The following ZNF562 variants were observed in gnomAD, a reference collection of about 807,000 sequenced individuals.
ZNF562 encodes the protein zinc finger protein 562.
In ZNF562, 13 loss-of-function variants were observed where a neutral mutation model predicts 17.5. The ratio of observed to expected loss-of-function variants is 0.74; its 90% confidence interval spans 0.48 to 1.18. The LOEUF (loss-of-function observed/expected upper bound fraction) is 1.18, where lower values mean the gene tolerates loss of function less well. ZNF562 is among the 50% of genes most tolerant of loss of function. The pLI, the probability that ZNF562 is intolerant of heterozygous loss-of-function variation, is 0.00. For missense variants in ZNF562, 481 were observed against 498.5 expected (o/e 0.96, Z 0.33); for synonymous variants, 163 against 165.4 (o/e 0.99, Z 0.11).
chr19:9,656,559 A>C lies in ZNF562; in HGVS notation c.336T>G (p.Thr112=), dbSNP rs1186360394. 6.2e-7 allele frequency: 1 copy of C among 1,613,666 alleles called. No individual in the cohort carries two copies. Among genetic ancestry groups the C allele is most frequent in the Admixed American group, 1.7e-5 (1 of 59,998 alleles). Residue 112 remains threonine, a synonymous_variant, in exon 5 of 6, where the codon ACT becomes ACG. Transcript: ENST00000453372. ...QQGFLKNQIF[T]GIQMQTRSYS... is the part of the protein sequence containing the mutation. ...TCATGAATCTTACCATTTGTATCCC[A>C]GTGAATATTTGATTCTTCAAAAAAC...
rs1244285747 is a variant in ZNF562 at position 9,665,116 on chromosome 19, G to T, written c.-130-4242C>A. On this transcript the variant is annotated intron_variant, in intron 1 of 5. Transcript: ENST00000453372. Reference sequence around the variant, plus strand: ...ACACGCCTGAAGTCCCAGCTACTCAGGATACTGAGGTTGGAGAATTGCTTG... The same window carrying T: ...ACACGCCTGAAGTCCCAGCTACTCATGATACTGAGGTTGGAGAATTGCTTG... 1.1e-4 allele frequency among the ~76,000 whole-genome samples: 16 copies of T among 151,844 alleles called. 1 individual carries two copies. Among genetic ancestry groups the T allele is most frequent in the Non-Finnish European group, 2.4e-4 (16 of 67,994 alleles).
At chr19:9,654,960 T>A (rs2043406952) in intron 5 of ZNF562, among the ~76,000 whole-genome samples, 1 of 152,094 alleles carries the variant, frequency 6.6e-6, no homozygotes, top group South Asian at 2.1e-4. Context: ...TGCCACTGGC[T>A]CTAATTGTTC....
intron 1 of ZNF562, among the ~76,000 whole-genome samples, chr19:9,673,275 C>G (rs2044268523): frequency 6.6e-6 from 1 of 152,166 alleles, no homozygotes. Flanking sequence ...GAAATAAAAA[C>G]CCCTTCCCCT....
At chr19:9,672,921 T>C (rs745827547) in intron 1 of ZNF562, among the ~76,000 whole-genome samples, 2 of 151,738 alleles carry the variant, frequency 1.3e-5, no homozygotes, top group Non-Finnish European at 2.9e-5. Flanking sequence ...CTGTGTAAGA[T>C]ACAATATATT....
At chr19:9,668,496 A>G (rs1354279220) in intron 1 of ZNF562, among the ~76,000 whole-genome samples, 1 of 152,252 alleles carries the variant, frequency 6.6e-6, no homozygotes, top group Non-Finnish European at 1.5e-5. Flanking sequence ...AAGACATTCC[A>G]TGCTCATGGA....
chr19:9,665,525 G>A (rs150444899), intron 1 of ZNF562, among the ~76,000 whole-genome samples: 1 of 152,150 alleles, frequency 6.6e-6, no homozygotes, highest in Admixed American at 6.5e-5. Context: ...ACAAAGAGGG[G>A]AGGCAGGACT....
At position 9,653,508 on chromosome 19, in the gene ZNF562, A is replaced by G. The variant is rs764999186; in HGVS notation, c.722T>C (p.Ile241Thr). The change falls in exon 6 of 6, where the codon ATC becomes ACC. Residue 241 changes from isoleucine (I) to threonine (T), a missense_variant. This residue lies in a region of ZNF562 where 403 missense variants were observed against 386.4 expected (regional missense o/e 1.04). Coordinates refer to ENST00000453372, the MANE Select transcript of ZNF562 (RefSeq NM_001130031.2). The part of the protein sequence containing the change: ...LCEFQECERA[I>T]TTSSHLKQCV... ...CTGCTTTAAGTGTGAGGAAGTTGTG[A>G]TGGCTCTCTCACATTCCTGAAATTC... The G allele has an allele frequency of 1.9e-6, 3 of 1,614,194 alleles. No homozygotes were observed. The highest frequency in any genetic ancestry group is 1.1e-5 in the South Asian group (1 of 91,084).
chr19:9,669,720 GCGCGCGCGCGCGCGCACACACA>G (rs1568281632), intron 1 of ZNF562, among the ~76,000 whole-genome samples: 1 of 84,820 alleles, frequency 1.2e-5, no homozygotes, highest in Non-Finnish European at 2.5e-5. Flanking sequence ...GCGCGCGAGC[GCGCGCGCGCGCGCGCACACACA>G]CACACACACA....
intron 1 of ZNF562, among the ~76,000 whole-genome samples, chr19:9,663,237 T>C (rs2043823085): frequency 8.4e-6 from 1 of 118,564 alleles, no homozygotes; most frequent in Non-Finnish European, 1.6e-5. Flanking sequence ...ACCTCGTCTC[T>C]ACTAAAAATA....
intron 1 of ZNF562, among the ~76,000 whole-genome samples, chr19:9,668,863 A>G (rs1286256384): frequency 6.6e-6 from 1 of 152,214 alleles, no homozygotes; most frequent in Non-Finnish European, 1.5e-5. Context: ...AAAGCATACA[A>G]TGGGAAAATA....
rs1487292488 is a variant in ZNF562 at position 9,642,589 on chromosome 19, A to C, written c.*10360T>G. On this transcript the variant is annotated 3_prime_UTR_variant, in exon 6 of 6. Transcript: ENST00000453372. The stretch of plus-strand genomic sequence containing the variant: ...ACTCTGCTTGGCCCTTTATTCTTTT[A>C]CATATTTAATTTTTTAAAAAATCAA... The C allele has an allele frequency of 1.3e-5, 2 of 151,952 alleles. No individual in the cohort carries two copies. The highest frequency in any genetic ancestry group is 4.8e-5 in the African/African-American group (2 of 41,368). 9.4% of individuals were successfully genotyped at this position (151,952 alleles called of 1,614,324 possible).
chr19:9,658,344 T>TCTTC, intron 3 of ZNF562: 1 of 983,990 alleles, frequency 1.0e-6, no homozygotes, highest in Non-Finnish European at 1.2e-6. Context: ...GCACTTTTTT[T>TCTTC]CTTTCTTTCT....
rs1441999067 is a variant in ZNF562 at position 9,645,735 on chromosome 19, C to T, written c.*7214G>A. On this transcript the variant is annotated 3_prime_UTR_variant, in exon 6 of 6. Transcript: ENST00000453372. Reference sequence around the variant, plus strand: ...AATAGCTTGTGTGACAATGCACTTCCTTCTGGGTCTCTCTCCAAGTGTAGT... The same window carrying T: ...AATAGCTTGTGTGACAATGCACTTCTTTCTGGGTCTCTCTCCAAGTGTAGT... The T allele has an allele frequency of 1.3e-5, 2 of 152,188 alleles. No individual in the cohort carries two copies. The highest frequency in any genetic ancestry group is 6.5e-5 in the Admixed American group (1 of 15,282). The allele number at this position is 152,188 out of a possible 1,614,324, so 9.4% of individuals were successfully genotyped here.
Position 9,650,154 on chromosome 19 carries a change from C to G in ZNF562, c.*2795G>C, listed in dbSNP as rs1232369473. 6.6e-6 allele frequency: 1 copy of G among 152,048 alleles called. No individual in the cohort carries two copies. The highest frequency in any genetic ancestry group is 2.4e-5 in the African/African-American group (1 of 41,404). The allele number at this position is 152,048 out of a possible 1,614,324, so 9.4% of individuals were successfully genotyped here. On this transcript the variant is annotated 3_prime_UTR_variant, in exon 6 of 6. Coordinates refer to ENST00000453372, the MANE Select transcript of ZNF562 (RefSeq NM_001130031.2). ...CACCAGAACTGCAAAGACAAGTATG[C>G]TGGTATTACTACTTTTAGTTGGTGT...
rs923407211 is a variant in ZNF562 at position 9,648,079 on chromosome 19, G to C, written c.*4870C>G. 4.6e-5 allele frequency: 7 copies of C among 152,036 alleles called. No individual in the cohort carries two copies. Among genetic ancestry groups the C allele is most frequent in the African/African-American group, 1.7e-4 (7 of 41,380 alleles). The allele number at this position is 152,036 out of a possible 1,614,324, so 9.4% of individuals were successfully genotyped here. A position where few individuals can be genotyped will look rare whatever the true frequency, so the allele number is the denominator to read the frequency against. On this transcript the variant is annotated 3_prime_UTR_variant, in exon 6 of 6. Transcript: ENST00000453372. ...CTTATAGATTAAGAATTTAGAAATA[G>C]TAGGAACATGCCCCACTACAGTATA... is the stretch of plus-strand genomic sequence containing the variant.
chr19:9,653,924 A>G (rs748470399), intron 5 of ZNF562, 43 bp from the exon 6 acceptor site: 17 of 1,483,214 alleles, frequency 1.1e-5, no homozygotes, highest in Non-Finnish European at 1.4e-5. Context: ...CAGACATATT[A>G]AGAGATTTCA....
chr19:9,667,382 C>G (rs2043990094), intron 1 of ZNF562, among the ~76,000 whole-genome samples: 1 of 152,054 alleles, frequency 6.6e-6, no homozygotes, highest in East Asian at 1.9e-4. Flanking sequence ...TAATAAAGGC[C>G]ATATATGACA....
intron 1 of ZNF562, among the ~76,000 whole-genome samples, chr19:9,669,717 A>AGCGCGCGCGCGC (rs3074896): frequency 3.0e-5 from 3 of 98,942 alleles, no homozygotes; most frequent in Admixed American, 1.2e-4. Flanking sequence ...CACGCGCGCG[A>AGCGCGCGCGCGC]GCGCGCGCGC....
At chr19:9,656,871 A>AAAAAAAATATATATATAT (rs376933513) in intron 4 of ZNF562, among the ~76,000 whole-genome samples, 41 of 142,430 alleles carry the variant, frequency 2.9e-4, no homozygotes, top group African/African-American at 9.6e-4. Context: ...AAAATACAAA[A>AAAAAAAATATATATATAT]ATATATATAT....
Sources: allele counts gnomAD v4.1 joint callset (sites outside exome capture counted in the v4.1 genomes callset), GRCh38; gene constraint gnomAD v4.1.1; regional missense constraint gnomAD v4.1.1; transcripts MANE v1.5; gene names NCBI Gene and HGNC (gene_info 2026-07-23, HGNC 2026-07-21).